CRHR1: variants seen among roughly 807,000 people sequenced by gnomAD.
CRHR1 encodes corticotropin-releasing hormone receptor 1.
A neutral mutation model predicts 56.0 loss-of-function variants in CRHR1; 28 were observed. The ratio of observed to expected loss-of-function variants is 0.50; its 90% CI spans 0.37 to 0.69. CRHR1 has a LOEUF of 0.69. CRHR1 is among the 30% of genes least tolerant of loss of function. CRHR1 has a pLI of 0.00. For synonymous variants in CRHR1, 195 were observed against 216.5 expected (o/e 0.90, Z 0.87); for missense variants, 376 against 548.0 (o/e 0.69, Z 3.13).
At chr17:45,810,627 C>T (rs2146318203) in intron 2 of CRHR1, among the ~76,000 whole-genome samples, 1 of 152,248 alleles carries the variant, frequency 6.6e-6, no homozygotes, top group Non-Finnish European at 1.5e-5. Context: ...GTTTTCCGTA[C>T]CCACACTAGG....
chr17:45,799,746 G>A (rs1269243732), intron 1 of CRHR1: 1 of 152,264 alleles, frequency 6.6e-6, no homozygotes, highest in Non-Finnish European at 1.5e-5. Flanking sequence ...AACAAGGCCT[G>A]GTTTCACTCT....
At chr17:45,790,494 G>C (rs955449279) in intron 1 of CRHR1, among the ~76,000 whole-genome samples, 7 of 152,208 alleles carry the variant, frequency 4.6e-5, no homozygotes, top group Non-Finnish European at 1.0e-4. Flanking sequence ...TGTCCACCCA[G>C]CAGCCATAAA....
At chr17:45,799,955 G>C (rs184747283) in intron 1 of CRHR1, 1 of 153,418 alleles carries the variant, frequency 6.5e-6, no homozygotes, top group Admixed American at 6.5e-5. Flanking sequence ...TCCCCTTGCC[G>C]GGAAGGCCCT....
At chr17:45,791,188 A>G (rs1251021333) in intron 1 of CRHR1, among the ~76,000 whole-genome samples, 4 of 145,756 alleles carry the variant, frequency 2.7e-5, no homozygotes, top group African/African-American at 5.0e-5. Flanking sequence ...GCCTGTGCAC[A>G]GAGACAGGGA....
intron 1 of CRHR1, among the ~76,000 whole-genome samples, chr17:45,795,240 CT>C (rs2061497107): frequency 1.3e-5 from 2 of 152,224 alleles, no homozygotes; most frequent in South Asian, 4.1e-4. Context: ...TCCAGGTCCT[CT>C]TCCTGCCTTG....
Position 45,804,818 on chromosome 17 carries a change from ATT to A in CRHR1, c.34-2179_34-2178del, listed in dbSNP as rs59708339. ...CAAACCTCAGTAATCGCAATAGATA[ATT>A]TTTTTTTTTTTTGAGATAGAGTATT... On this transcript the variant is annotated intron_variant, in intron 1 of 12. Coordinates refer to ENST00000314537, the MANE Select transcript of CRHR1 (RefSeq NM_004382.5). Among the ~76,000 whole-genome samples, 478 of 144,732 alleles carry A rather than the reference ATT, an allele frequency of 3.3e-3. 1 individual carries two copies. Among genetic ancestry groups the A allele is most frequent in the East Asian group, 0.019 (92 of 4,924 alleles). 94.9% of individuals were successfully genotyped at this position (144,732 alleles called of 152,430 possible).
chr17:45,821,134 C>T (rs1229621174), intron 3 of CRHR1, among the ~76,000 whole-genome samples: 5 of 152,222 alleles, frequency 3.3e-5, no homozygotes, highest in Admixed American at 3.3e-4. Context: ...GTGGGCAGAG[C>T]CGGGGGAGCC....
At chr17:45,823,678 CAGGTAT>C (rs1224545019) in intron 4 of CRHR1, among the ~76,000 whole-genome samples, 1 of 152,216 alleles carries the variant, frequency 6.6e-6, no homozygotes, top group Non-Finnish European at 1.5e-5. Context: ...TGCCCACTGC[CAGGTAT>C]CTGGCGTGAA....
intron 2 of CRHR1, 40 bp from the exon 3 acceptor site, chr17:45,816,423 G>A (rs1374631528): frequency 2.3e-5 from 37 of 1,610,844 alleles, no homozygotes; most frequent in African/African-American, 9.4e-5. Context: ...GGCCTTGGCC[G>A]GATATCTTGC....
At chr17:45,803,775 T>TGTGCAC (rs71138510) in intron 1 of CRHR1, among the ~76,000 whole-genome samples, 1 of 150,336 alleles carries the variant, frequency 6.7e-6, no homozygotes, top group Non-Finnish European at 1.5e-5. Flanking sequence ...TGTGTGTGTG[T>TGTGCAC]GCGTGCGCGT....
intron 5 of CRHR1, 75 bp from the exon 6 acceptor site, chr17:45,830,018 TG>T: frequency 1.3e-6 from 2 of 1,595,672 alleles, no homozygotes; most frequent in Non-Finnish European, 8.5e-7. Flanking sequence ...ACATCTGGGC[TG>T]GGGTGATGGA....
intron 4 of CRHR1, among the ~76,000 whole-genome samples, chr17:45,823,641 A>ACAGGCTCTGCAGCC (rs2143152913): frequency 6.6e-6 from 1 of 152,266 alleles, no homozygotes; most frequent in East Asian, 1.9e-4. Flanking sequence ...GCTCCGGAGC[A>ACAGGCTCTGCAGCC]CAGGCTCTGC....
Position 45,816,499 on chromosome 17 carries a change from C to A in CRHR1, c.158C>A (p.Thr53Asn), listed in dbSNP as rs1338925821. ...QCNASVDLIGTCWPRSPAGQL... is the reference protein window; with the variant it reads ...QCNASVDLIGNCWPRSPAGQL... ...AACGCATCCGTGGACCTCATTGGCA[C>A]CTGCTGGCCCCGCAGCCCTGCGGGG... is the stretch of plus-strand genomic sequence containing the variant. Residue 53 changes from threonine (T) to asparagine (N), a missense_variant, in exon 3 of 13, where the codon ACC (threonine) becomes AAC (asparagine). Coordinates refer to ENST00000314537, the MANE Select transcript of CRHR1 (RefSeq NM_004382.5). 4 of 1,614,166 alleles carry A rather than the reference C, an allele frequency of 2.5e-6. No individual in the cohort carries two copies. The highest frequency in any genetic ancestry group is 3.4e-6 in the Non-Finnish European group (4 of 1,180,030).
chr17:45,793,699 A>AG (rs770225981), intron 1 of CRHR1, among the ~76,000 whole-genome samples: 1 of 152,158 alleles, frequency 6.6e-6, no homozygotes, highest in Non-Finnish European at 1.5e-5. Context: ...AATGCAGGGC[A>AG]GGGGGGCCTA....
chr17:45,803,073 G>A (rs1360880418), intron 1 of CRHR1, among the ~76,000 whole-genome samples: 1 of 152,096 alleles, frequency 6.6e-6, no homozygotes, highest in Non-Finnish European at 1.5e-5. Context: ...TGGAGAGTTG[G>A]GCAGGTACTA....
At chr17:45,810,097 T>A (rs1470592418) in intron 2 of CRHR1, among the ~76,000 whole-genome samples, 1 of 152,048 alleles carries the variant, frequency 6.6e-6, no homozygotes, top group African/African-American at 2.4e-5. Context: ...CTGGCCAACA[T>A]GGTGAAACCC....
chr17:45,795,022 TG>T (rs1221409085), intron 1 of CRHR1, among the ~76,000 whole-genome samples: 3 of 152,150 alleles, frequency 2.0e-5, no homozygotes, highest in Admixed American at 1.3e-4. Context: ...CAGACCTTCC[TG>T]CATCTCCTGT....
intron 4 of CRHR1, chr17:45,825,550 G>C (rs560169219): frequency 2.6e-4 from 41 of 154,732 alleles, no homozygotes; most frequent in African/African-American, 9.6e-4. Context: ...GGATTCTGGG[G>C]GTCTGGTTTG....
chr17:45,794,597 G>A (rs893430763), intron 1 of CRHR1, among the ~76,000 whole-genome samples: 4 of 152,224 alleles, frequency 2.6e-5, no homozygotes, highest in African/African-American at 9.6e-5. Flanking sequence ...GAAACTCTTT[G>A]GTTTACTCAG....
Sources: allele counts gnomAD v4.1 joint callset (sites outside exome capture counted in the v4.1 genomes callset), GRCh38; gene constraint gnomAD v4.1.1; transcripts MANE v1.5; gene names NCBI Gene and HGNC (gene_info 2026-07-23, HGNC 2026-07-21).